CNTNAP2: variants seen among roughly 807,000 people sequenced by gnomAD.
The protein encoded by CNTNAP2 is contactin associated protein 2.
In CNTNAP2, 98 loss-of-function variants were observed where a neutral mutation model predicts 155.2. The observed-to-expected ratio is 0.63, with a 90% confidence interval of 0.54 to 0.75. CNTNAP2 has a LOEUF of 0.75. Among genes scored for constraint, CNTNAP2 ranks in the 30% least tolerant of loss-of-function variants. The probability of loss-of-function intolerance (pLI) is 0.00; values close to 1 mark genes in which losing one functional copy is unlikely to be tolerated. For synonymous variants in CNTNAP2, 651 were observed against 631.2 expected (o/e 1.03, Z -0.47); for missense variants, 1,727 against 1,688.1 (o/e 1.02, Z -0.40).
intron 15 of CNTNAP2, among the ~76,000 whole-genome samples, chr7:148,080,677 A>G (rs1297738004): frequency 6.6e-6 from 1 of 152,080 alleles, no homozygotes; most frequent in African/African-American, 2.4e-5. Context: ...ATGCCTTGCC[A>G]AAGAATGGTA....
intron 3 of CNTNAP2, among the ~76,000 whole-genome samples, chr7:146,968,155 G>A (rs1584755108): frequency 6.6e-6 from 1 of 151,360 alleles, no homozygotes; most frequent in East Asian, 1.9e-4. Context: ...TCCCAGGGAT[G>A]AAGCCCACTT....
intron 1 of CNTNAP2, among the ~76,000 whole-genome samples, chr7:146,529,555 G>A (rs1414524336): frequency 1.3e-5 from 2 of 152,136 alleles, no homozygotes; most frequent in Non-Finnish European, 2.9e-5. Flanking sequence ...TGTGACTAAT[G>A]CATACATGAG....
At chr7:148,104,350 T>A (rs961331955) in intron 15 of CNTNAP2, among the ~76,000 whole-genome samples, 2 of 152,210 alleles carry the variant, frequency 1.3e-5, no homozygotes, top group Non-Finnish European at 1.5e-5. Flanking sequence ...CAGTTTCACA[T>A]CCGTCATTCT....
At chr7:146,339,955 G>A (rs548986014) in intron 1 of CNTNAP2, among the ~76,000 whole-genome samples, 112 of 152,142 alleles carry the variant, frequency 7.4e-4, no homozygotes, top group African/African-American at 2.6e-3. Context: ...CGGATCACGA[G>A]GTCAGGAGAT....
At chr7:146,331,562 G>T (rs971866971) in intron 1 of CNTNAP2, among the ~76,000 whole-genome samples, 1 of 152,060 alleles carries the variant, frequency 6.6e-6, no homozygotes, top group Admixed American at 6.5e-5. Flanking sequence ...TCCTCCAGGT[G>T]GTCTGGGTTT....
chr7:148,257,819 A>G (rs1253760850), intron 20 of CNTNAP2, among the ~76,000 whole-genome samples: 3 of 152,170 alleles, frequency 2.0e-5, no homozygotes, highest in Non-Finnish European at 2.9e-5. Flanking sequence ...CTCGATGTCA[A>G]TAAAATGCTA....
intron 14 of CNTNAP2, among the ~76,000 whole-genome samples, chr7:147,935,773 GC>G (rs200857470): frequency 0.013 from 1,985 of 152,070 alleles, 46 homozygotes; most frequent in African/African-American, 0.045. Flanking sequence ...TTATATGATA[GC>G]AAAAAAATTA....
At chr7:146,433,578 A>G (rs933167243) in intron 1 of CNTNAP2, among the ~76,000 whole-genome samples, 5 of 152,278 alleles carry the variant, frequency 3.3e-5, no homozygotes, top group South Asian at 2.1e-4. Flanking sequence ...TAGTCTGTCT[A>G]TGGATCCAGA....
chr7:146,910,905 A>T (rs956175452), intron 3 of CNTNAP2, among the ~76,000 whole-genome samples: 2 of 151,040 alleles, frequency 1.3e-5, no homozygotes, highest in Admixed American at 1.3e-4. Context: ...CAACCTACTC[A>T]TCTGACAAAG....
At chr7:148,365,728 A>ACTTT (rs1798728604) in intron 21 of CNTNAP2, among the ~76,000 whole-genome samples, 2 of 63,714 alleles carry the variant, frequency 3.1e-5, no homozygotes, top group African/African-American at 1.3e-4. Flanking sequence ...ATACGTGTAT[A>ACTTT]TATGTATGTG....
chr7:147,712,423 A>G (rs1361899633), intron 13 of CNTNAP2, among the ~76,000 whole-genome samples: 2 of 152,166 alleles, frequency 1.3e-5, no homozygotes, highest in Non-Finnish European at 2.9e-5. Context: ...TATAAATCAT[A>G]CTGCTGTAAA....
At chr7:147,597,970 T>A (rs1800858165) in intron 12 of CNTNAP2, among the ~76,000 whole-genome samples, 1 of 152,118 alleles carries the variant, frequency 6.6e-6, no homozygotes. Flanking sequence ...CCAGCAGCAA[T>A]AGGTCAGGCA....
At chr7:146,182,886 A>G (rs1447724219) in intron 1 of CNTNAP2, among the ~76,000 whole-genome samples, 2 of 151,872 alleles carry the variant, frequency 1.3e-5, no homozygotes, top group African/African-American at 4.8e-5. Flanking sequence ...CTGTACTCCA[A>G]TTTTCTATCT....
chr7:146,163,470 T>C (rs1798256633), intron 1 of CNTNAP2, among the ~76,000 whole-genome samples: 1 of 147,080 alleles, frequency 6.8e-6, no homozygotes, highest in Non-Finnish European at 1.5e-5. Context: ...ACATTATATA[T>C]ATCTATATAT....
At chr7:147,687,771 G>A (rs966987831) in intron 13 of CNTNAP2, among the ~76,000 whole-genome samples, 22 of 151,958 alleles carry the variant, frequency 1.4e-4, no homozygotes, top group African/African-American at 4.4e-4. Context: ...AGAGAGAGAA[G>A]GCAAGGGGCA....
intron 2 of CNTNAP2, among the ~76,000 whole-genome samples, chr7:146,795,636 T>G (rs1433959242): frequency 1.3e-5 from 2 of 152,164 alleles, no homozygotes; most frequent in Non-Finnish European, 2.9e-5. Flanking sequence ...TATCAGACGT[T>G]GGTTACTTTT....
chr7:147,128,926 C>A, intron 7 of CNTNAP2, 90 bp downstream of exon 7: 4 of 1,520,242 alleles, frequency 2.6e-6, no homozygotes, highest in Non-Finnish European at 3.6e-6. Context: ...AAAATCATGA[C>A]ATTTTTCATC....
At chr7:147,119,978 T>C (rs955505369) in intron 5 of CNTNAP2, among the ~76,000 whole-genome samples, 19 of 152,220 alleles carry the variant, frequency 1.2e-4, no homozygotes, top group African/African-American at 4.3e-4. Context: ...CCTTAATAAA[T>C]ATGTTAGATT....
intron 1 of CNTNAP2, among the ~76,000 whole-genome samples, chr7:146,488,295 C>CCCTT (rs1413055607): frequency 1.6e-5 from 2 of 122,150 alleles, no homozygotes; most frequent in African/African-American, 6.9e-5. Flanking sequence ...CTCCCTCCCT[C>CCCTT]CCTCCCTTCC....
Sources: gnomAD v4.1 joint callset for allele counts (sites outside exome capture counted in the v4.1 genomes callset) on GRCh38, gnomAD v4.1.1 for gene constraint, MANE v1.5 for transcripts, NCBI Gene and HGNC (gene_info 2026-07-23, HGNC 2026-07-21) for gene names.